The following KIF24 variants were observed in gnomAD, a reference collection of about 807,000 sequenced individuals.
KIF24 encodes kinesin family member 24.
Under a neutral mutation model 118.9 loss-of-function variants are expected in KIF24, and 81 were observed. The observed-to-expected ratio is 0.68, with a 90% CI of 0.57 to 0.82. KIF24 has a LOEUF of 0.82. Ranked by LOEUF, KIF24 falls within the 40% of genes least tolerant of loss-of-function variation. The probability of loss-of-function intolerance (pLI) is 0.00; values close to 1 mark genes in which losing one functional copy is unlikely to be tolerated. For synonymous variants in KIF24, 599 were observed against 610.0 expected (o/e 0.98, Z 0.27); for missense variants, 1,560 against 1,661.6 (o/e 0.94, Z 1.06).
At chr9:34,278,339 G>A (rs910137721) in intron 6 of KIF24, among the ~76,000 whole-genome samples, 2 of 152,166 alleles carry the variant, frequency 1.3e-5, no homozygotes, top group African/African-American at 4.8e-5. Flanking sequence ...GAACCTGGGA[G>A]GCAGAGGTTG....
chr9:34,330,933 C>T (rs985291460), upstream of KIF24, among the ~76,000 whole-genome samples: 1 of 152,002 alleles, frequency 6.6e-6, no homozygotes, highest in African/African-American at 2.4e-5. Flanking sequence ...TGCACTCCAG[C>T]CTGGGCGACA....
chr9:34,267,615 A>G (rs1417672137), intron 8 of KIF24, among the ~76,000 whole-genome samples: 1 of 152,190 alleles, frequency 6.6e-6, no homozygotes, highest in African/African-American at 2.4e-5. Flanking sequence ...AATGTTAATT[A>G]TATATTTTAT....
rs906363727 is a variant in KIF24, at chr9:34,311,223, T to G, written c.124A>C (p.Lys42Gln). The G allele has an allele frequency of 6.8e-6, 11 of 1,612,638 alleles. No individual in the cohort carries two copies. The highest frequency in any genetic ancestry group is 9.3e-6 in the Non-Finnish European group (11 of 1,178,920). ...LAKITMKDYS[K>Q]LGVHDMNDRK... is the part of the protein sequence containing the mutation. ...TCGTTCATGTCATGGACTCCTAATT[T>G]GGAGTAGTCCTTCATTGTAATCTTG... Residue 42 changes from lysine to glutamine, a missense_variant, in exon 2 of 13, where the codon AAA becomes CAA. This residue lies in a region of KIF24 where 964 missense variants were observed against 988.0 expected (regional missense o/e 0.98). Transcript: ENST00000402558.
chr9:34,305,709 T>G (rs1197582564), intron 3 of KIF24, among the ~76,000 whole-genome samples: 1 of 152,200 alleles, frequency 6.6e-6, no homozygotes, highest in African/African-American at 2.4e-5. Flanking sequence ...GCTCAAGTGA[T>G]CCTCCTGCCT....
chr9:34,279,460 C>A (rs754369377), intron 6 of KIF24, among the ~76,000 whole-genome samples: 18 of 152,192 alleles, frequency 1.2e-4, no homozygotes, highest in Non-Finnish European at 2.2e-4. Flanking sequence ...AACTGAAAAA[C>A]ATGCCCATTA....
intron 9 of KIF24, among the ~76,000 whole-genome samples, chr9:34,262,852 C>A (rs1002595931): frequency 5.3e-5 from 8 of 150,724 alleles, no homozygotes; most frequent in Non-Finnish European, 8.8e-5. Flanking sequence ...CAGAGTAAGA[C>A]CCTGTCTCAA....
At chr9:34,255,666 A>G in intron 11 of KIF24, 69 bp downstream of exon 11, 1 of 1,381,266 alleles carries the variant, frequency 7.2e-7, no homozygotes, top group South Asian at 1.4e-5. Context: ...TGTCCATGAC[A>G]AAACAGTAAG....
chr9:34,306,735 G>C (rs1368435373), intron 2 of KIF24, among the ~76,000 whole-genome samples: 1 of 152,010 alleles, frequency 6.6e-6, no homozygotes, highest in African/African-American at 2.4e-5. Flanking sequence ...CCGGGAGGCA[G>C]AGCTTGCAGT....
chr9:34,319,652 T>C (rs1284152795), intron 1 of KIF24: 3 of 829,060 alleles, frequency 3.6e-6, no homozygotes, highest in Non-Finnish European at 6.3e-6. Flanking sequence ...AAGACGAGTT[T>C]TAGGGCCTCA....
rs774105577 is a variant in KIF24, at chr9:34,257,194, G to A, written c.2413C>T (p.Pro805Ser). 6.2e-6 allele frequency: 10 copies of A among 1,613,922 alleles called. No individual in the cohort carries two copies. The Admixed American group carries it at 1.3e-4, about 22-fold the overall frequency. The change falls in exon 11 of 13, where the codon CCG becomes TCG. Residue 805 changes from proline (P) to serine (S), a missense_variant. By Grantham distance (74) the Pro-to-Ser change is moderately conservative (BLOSUM62 -1). This residue lies in a region of KIF24 where 964 missense variants were observed against 988.0 expected (regional missense o/e 0.98). Transcript: ENST00000402558. ...PPEGQLTNET[P>S]PLFHSYSENH... ...TCAGAGTAAGAGTGGAACAGAGGCG[G>A]AGTCTCATTCGTGAGCTGACCCTCT...
intron 8 of KIF24, among the ~76,000 whole-genome samples, chr9:34,264,211 C>T (rs1479398746): frequency 6.6e-6 from 1 of 150,952 alleles, no homozygotes; most frequent in Non-Finnish European, 1.5e-5. Context: ...TATTTGAGCT[C>T]AGGAGATCGA....
intron 2 of KIF24, among the ~76,000 whole-genome samples, chr9:34,306,726 C>T (rs1372261584): frequency 2.6e-5 from 4 of 151,702 alleles, no homozygotes; most frequent in Admixed American, 6.6e-5. Context: ...GGCGTGAACC[C>T]GGGAGGCAGA....
At chr9:34,271,344 G>C (rs73645578) in intron 7 of KIF24, among the ~76,000 whole-genome samples, 1 of 80,478 alleles carries the variant, frequency 1.2e-5, no homozygotes, top group Non-Finnish European at 2.4e-5. Context: ...AAAAAAAAAA[G>C]AAAAAGAAAA....
At chr9:34,269,533 C>T (rs542687271) in intron 7 of KIF24, among the ~76,000 whole-genome samples, 171 bp from the exon 8 acceptor site, 1 of 152,230 alleles carries the variant, frequency 6.6e-6, no homozygotes, top group Non-Finnish European at 1.5e-5. Context: ...CATTCTCCTG[C>T]CTCAGCCTCC....
chr9:34,296,167 C>T (rs1167081747), intron 4 of KIF24, among the ~76,000 whole-genome samples: 5 of 127,684 alleles, frequency 3.9e-5, no homozygotes, highest in Admixed American at 8.8e-5. Context: ...TGCAGTGCAC[C>T]GAGGTGGCGC....
intron 9 of KIF24, among the ~76,000 whole-genome samples, chr9:34,262,664 AAAAAAAAAAAAATATATATATATATATAT>A (rs1440796698): frequency 1.1e-4 from 6 of 52,500 alleles, no homozygotes; most frequent in Non-Finnish European, 1.8e-4. Context: ...AAAAAAAAAA[AAAAAAAAAAAAATATATATATATATATAT>A]ATATATATAT....
intron 6 of KIF24, among the ~76,000 whole-genome samples, chr9:34,277,673 T>C (rs1056193612): frequency 3.3e-5 from 5 of 152,228 alleles, no homozygotes; most frequent in African/African-American, 1.2e-4. Flanking sequence ...CCTGGTTAAA[T>C]ATATTTTAGA....
At chr9:34,283,006 C>A (rs547693007) in intron 6 of KIF24, among the ~76,000 whole-genome samples, 178 of 134,304 alleles carry the variant, frequency 1.3e-3, no homozygotes, top group Non-Finnish European at 1.5e-3. Context: ...GAACCCAGAT[C>A]GAGCCATTGC....
chr9:34,285,330 T>C (rs1207809151), intron 6 of KIF24, among the ~76,000 whole-genome samples: 1 of 152,168 alleles, frequency 6.6e-6, no homozygotes, highest in Non-Finnish European at 1.5e-5. Context: ...TTATTAAAAA[T>C]TGTATTTAAA....
Sources: allele counts gnomAD v4.1 joint callset (sites outside exome capture counted in the v4.1 genomes callset), GRCh38; gene constraint gnomAD v4.1.1; regional missense constraint gnomAD v4.1.1; transcripts MANE v1.5; gene names NCBI Gene and HGNC (gene_info 2026-07-23, HGNC 2026-07-21).